The following NRXN1 variants were observed in gnomAD, a reference collection of about 807,000 sequenced individuals.
NRXN1 encodes neurexin-1.
NRXN1 carries 39 observed loss-of-function variants against 150.9 expected under a neutral mutation model. That is an observed-to-expected ratio of 0.26 (90% confidence interval 0.20 to 0.34). NRXN1 has a LOEUF of 0.34. Ranked by LOEUF, NRXN1 falls within the 10% of genes least tolerant of loss-of-function variation. The pLI is 1.00. For missense variants in NRXN1, 1,815 were observed against 1,949.9 expected (o/e 0.93, Z 1.30); for synonymous variants, 924 against 757.0 (o/e 1.22, Z -3.62).
chr2:50,805,416 A>G (rs1249140745), intron 5 of NRXN1, among the ~76,000 whole-genome samples: 1 of 152,132 alleles, frequency 6.6e-6, no homozygotes, highest in Non-Finnish European at 1.5e-5. Flanking sequence ...GCACTGTGGG[A>G]GGCCGAGGTG....
At chr2:50,669,887 A>T (rs1688596507) in intron 5 of NRXN1, among the ~76,000 whole-genome samples, 1 of 151,728 alleles carries the variant, frequency 6.6e-6, no homozygotes, top group East Asian at 1.9e-4. Flanking sequence ...AAAAAAACGG[A>T]ATTAATCAGA....
At chr2:50,714,049 T>C (rs1300704908) in intron 5 of NRXN1, among the ~76,000 whole-genome samples, 1 of 152,214 alleles carries the variant, frequency 6.6e-6, no homozygotes, top group Non-Finnish European at 1.5e-5. Context: ...ATTAGGCTTT[T>C]ACTTTAAAAA....
intron 21 of NRXN1, among the ~76,000 whole-genome samples, chr2:50,028,131 T>C (rs1018638384): frequency 2.6e-5 from 4 of 152,206 alleles, no homozygotes; most frequent in African/African-American, 9.6e-5. Context: ...AATGCTCTTA[T>C]TTCTGCCCTA....
intron 17 of NRXN1, among the ~76,000 whole-genome samples, chr2:50,343,352 C>A (rs181752335): frequency 2.6e-5 from 4 of 152,168 alleles, no homozygotes; most frequent in African/African-American, 4.8e-5. Context: ...GCAGTACTGG[C>A]TGAGCACACT....
At chr2:50,095,124 T>C (rs1158266353) in intron 18 of NRXN1, among the ~76,000 whole-genome samples, 1 of 152,182 alleles carries the variant, frequency 6.6e-6, no homozygotes, top group Non-Finnish European at 1.5e-5. Flanking sequence ...GGCTCCACTG[T>C]GGCTGAAGCA....
intron 5 of NRXN1, among the ~76,000 whole-genome samples, chr2:50,685,830 G>A (rs17039337): frequency 0.054 from 8,249 of 152,100 alleles, 442 homozygotes; most frequent in East Asian, 0.17. Flanking sequence ...TTTGCACCTG[G>A]AAAATCATAG....
intron 10 of NRXN1, among the ~76,000 whole-genome samples, chr2:50,535,974 G>T (rs2093248495): frequency 6.6e-6 from 1 of 152,044 alleles, no homozygotes; most frequent in Non-Finnish European, 1.5e-5. Flanking sequence ...GAAACTTCAA[G>T]AGTTGTCAAC....
At position 50,002,089 on chromosome 2, in the gene NRXN1, A is replaced by G. The variant is rs549553996; in HGVS notation, c.4128+51182T>C. On this transcript the variant is annotated intron_variant, in intron 21 of 22. Coordinates refer to ENST00000401669, the MANE Select transcript of NRXN1 (RefSeq NM_001330078.2). ...TGCAAGAGGGCCCTGAGCTCTAGAA[A>G]GGAATGCAGCCCTGCCAATTCTGTG... Among the ~76,000 whole-genome samples the G allele has an allele frequency of 1.1e-4, 17 of 152,072 alleles. No individual in the cohort carries two copies. In the South Asian group the frequency reaches 3.5e-3, roughly 32 times the overall value.
intron 15 of NRXN1, among the ~76,000 whole-genome samples, chr2:50,489,227 G>T (rs1479996018): frequency 6.6e-6 from 1 of 152,204 alleles, no homozygotes; most frequent in African/African-American, 2.4e-5. Context: ...GGCTGTCAGA[G>T]TTCAGCTAGT....
intron 8 of NRXN1, among the ~76,000 whole-genome samples, chr2:50,563,167 T>G (rs1669358595): frequency 2.0e-5 from 3 of 152,216 alleles, no homozygotes; most frequent in African/African-American, 7.2e-5. Flanking sequence ...TCTAGCTTTC[T>G]AAAACATAGC....
intron 5 of NRXN1, among the ~76,000 whole-genome samples, chr2:50,833,397 C>G (rs1671675991): frequency 6.6e-6 from 1 of 152,092 alleles, no homozygotes; most frequent in African/African-American, 2.4e-5. Flanking sequence ...TACAGTTGTT[C>G]TATTTATAAA....
At chr2:50,323,571 C>CTATATATATATA (rs149609146) in intron 17 of NRXN1, among the ~76,000 whole-genome samples, 37 of 144,378 alleles carry the variant, frequency 2.6e-4, no homozygotes, top group African/African-American at 7.6e-4. Context: ...GGGAAATAAA[C>CTATATATATATA]TATATATATA....
At chr2:50,134,421 T>C (rs1229377406) in intron 18 of NRXN1, among the ~76,000 whole-genome samples, 3 of 152,160 alleles carry the variant, frequency 2.0e-5, no homozygotes, top group Non-Finnish European at 4.4e-5. Flanking sequence ...AAAATTTCCT[T>C]GTACAGTCAA....
chr2:50,066,800 G>C (rs1695438720), intron 19 of NRXN1, among the ~76,000 whole-genome samples: 1 of 152,164 alleles, frequency 6.6e-6, no homozygotes, highest in South Asian at 2.1e-4. Flanking sequence ...TTTGTGTTAG[G>C]ATGGAGAAAT....
At chr2:49,982,571 C>G (rs768289388) in intron 21 of NRXN1, among the ~76,000 whole-genome samples, 12 of 151,818 alleles carry the variant, frequency 7.9e-5, no homozygotes, top group Non-Finnish European at 1.3e-4. Flanking sequence ...TTCTTCATTT[C>G]TTATTTGTAT....
intron 15 of NRXN1, among the ~76,000 whole-genome samples, chr2:50,486,863 C>A (rs1293745181): frequency 1.3e-5 from 2 of 152,090 alleles, no homozygotes; most frequent in East Asian, 3.9e-4. Flanking sequence ...CCCTCCTAGT[C>A]CTTTTTATGA....
intron 8 of NRXN1, among the ~76,000 whole-genome samples, chr2:50,571,961 G>A (rs1044261936): frequency 1.3e-5 from 2 of 152,158 alleles, no homozygotes; most frequent in South Asian, 4.1e-4. Context: ...GCCTCTCAGA[G>A]TAATCTCGAT....
Position 50,752,706 on chromosome 2 carries a change from GA to G in NRXN1, c.833-129092del, listed in dbSNP as rs528734197. Among the ~76,000 whole-genome samples the G allele has an allele frequency of 2.0e-3, 282 of 137,668 alleles. 1 individual carries two copies. The highest frequency in any genetic ancestry group is 4.5e-3 in the African/African-American group (170 of 37,760). 90.3% of individuals were successfully genotyped at this position (137,668 alleles called of 152,430 possible). On this transcript the variant is annotated intron_variant, in intron 5 of 22. Coordinates refer to ENST00000401669, the MANE Select transcript of NRXN1 (RefSeq NM_001330078.2). ...TTTAACACAACACCATGATAAAAGT[GA>G]AAAAAAAAAAAATGTCAGGTTTTTC... is the stretch of plus-strand genomic sequence containing the variant.
At chr2:50,107,118 G>C (rs571775744) in intron 18 of NRXN1, among the ~76,000 whole-genome samples, 7 of 151,902 alleles carry the variant, frequency 4.6e-5, no homozygotes, top group African/African-American at 1.7e-4. Context: ...TTTCAACATG[G>C]AAAGGTGAGC....
Sources: allele counts gnomAD v4.1 joint callset (sites outside exome capture counted in the v4.1 genomes callset), GRCh38; gene constraint gnomAD v4.1.1; transcripts MANE v1.5; gene names NCBI Gene and HGNC (gene_info 2026-07-23, HGNC 2026-07-21).